The following MCCC1 variants were observed in gnomAD, a reference collection of about 807,000 sequenced individuals.
MCCC1 encodes the protein methylcrotonyl-CoA carboxylase subunit 1, also known as methylcrotonoyl-CoA carboxylase subunit alpha, mitochondrial.
A neutral mutation model predicts 83.8 loss-of-function variants in MCCC1; 64 were observed. That is an observed-to-expected ratio of 0.76 (90% CI 0.62 to 0.94). The LOEUF (loss-of-function observed/expected upper bound fraction) is 0.94. MCCC1 is among the 40% of genes least tolerant of loss of function. The probability of loss-of-function intolerance (pLI) is 0.00; values close to 1 mark genes in which losing one functional copy is unlikely to be tolerated. For synonymous variants in MCCC1, 322 were observed against 315.4 expected (o/e 1.02, Z -0.22); for missense variants, 807 against 904.7 (o/e 0.89, Z 1.39).
chr3:183,034,454 CA>C (rs1281645615), intron 13 of MCCC1, among the ~76,000 whole-genome samples: 5 of 50,960 alleles, frequency 9.8e-5, no homozygotes, highest in African/African-American at 2.5e-4. Flanking sequence ...GACTCCGTCT[CA>C]AAAAAAAAAA....
intron 14 of MCCC1, among the ~76,000 whole-genome samples, chr3:183,031,671 G>A (rs1160328954): frequency 2.0e-5 from 3 of 151,402 alleles, no homozygotes; most frequent in Non-Finnish European, 2.9e-5. Context: ...CTAATTTTTT[G>A]TACTTTTTAG....
intron 3 of MCCC1, among the ~76,000 whole-genome samples, chr3:183,088,861 T>C (rs1401021288): frequency 1.1e-4 from 16 of 152,262 alleles, no homozygotes; most frequent in Admixed American, 1.0e-3. Context: ...AACTATTCCA[T>C]AGTATGGCAG....
chr3:183,093,198 C>G (rs1052299457), intron 2 of MCCC1, among the ~76,000 whole-genome samples: 1 of 152,100 alleles, frequency 6.6e-6, no homozygotes, highest in African/African-American at 2.4e-5. Flanking sequence ...CCGGCCAATA[C>G]TAACTAATCT....
chr3:183,062,178 C>G (rs1715887265), intron 7 of MCCC1, among the ~76,000 whole-genome samples: 1 of 152,090 alleles, frequency 6.6e-6, no homozygotes, highest in Admixed American at 6.5e-5. Flanking sequence ...GCAGGTATGT[C>G]TTTATTGACA....
intron 14 of MCCC1, among the ~76,000 whole-genome samples, chr3:183,032,278 T>C (rs1322679462): frequency 2.0e-5 from 3 of 152,202 alleles, no homozygotes; most frequent in Non-Finnish European, 4.4e-5. Flanking sequence ...CAATCAAATA[T>C]GTAATTCTTC....
intron 1 of MCCC1, among the ~76,000 whole-genome samples, chr3:183,106,090 A>AAAAAAAAAAAAAAAAAC (rs1237084672): frequency 1.3e-5 from 2 of 151,252 alleles, no homozygotes; most frequent in African/African-American, 4.8e-5. Flanking sequence ...GTAAAAAAAA[A>AAAAAAAAAAAAAAAAAC]AAAAAAGACT....
chr3:183,031,657 C>T (rs1470112797), intron 14 of MCCC1, among the ~76,000 whole-genome samples: 2 of 152,002 alleles, frequency 1.3e-5, no homozygotes, highest in Admixed American at 6.6e-5. Flanking sequence ...ACCACCATGC[C>T]TGGCTAATTT....
chr3:183,061,891 T>C (rs1432846115), intron 7 of MCCC1, among the ~76,000 whole-genome samples: 2 of 152,212 alleles, frequency 1.3e-5, no homozygotes, highest in East Asian at 1.9e-4. Context: ...TCATCTTGAA[T>C]TGTAGCTCCC....
chr3:183,099,718 GC>G (rs1719032015), upstream of MCCC1: 6 of 548,126 alleles, frequency 1.1e-5, no homozygotes, highest in South Asian at 1.4e-4. Context: ...TCTGACTAAG[GC>G]AAGGGTTTTC....
At chr3:183,073,526 A>C (rs1470109217) in intron 4 of MCCC1, among the ~76,000 whole-genome samples, 1 of 152,242 alleles carries the variant, frequency 6.6e-6, no homozygotes, top group Non-Finnish European at 1.5e-5. Context: ...TGAAACTATG[A>C]ATACTACAGA....
chr3:183,099,252 C>A, intron 1 of MCCC1, 100 bp downstream of exon 1: 2 of 1,407,800 alleles, frequency 1.4e-6, no homozygotes, highest in Non-Finnish European at 9.7e-7. Context: ...CCGTCCTCCC[C>A]ACACCGACCC....
At chr3:183,035,759 A>C (rs553864675) in intron 13 of MCCC1, among the ~76,000 whole-genome samples, 1 of 152,296 alleles carries the variant, frequency 6.6e-6, no homozygotes, top group South Asian at 2.1e-4. Context: ...GTTTGCTCCG[A>C]AAGTCAGAGC....
intron 2 of MCCC1, among the ~76,000 whole-genome samples, chr3:183,093,815 G>T (rs1009860451): frequency 6.6e-6 from 1 of 152,104 alleles, no homozygotes; most frequent in Non-Finnish European, 1.5e-5. Context: ...CAATCAGCTA[G>T]AAGTTATACT....
rs147022372 is a variant in MCCC1 at position 183,091,076 on chromosome 3, C to T, written c.273+1333G>A. On this transcript the variant is annotated intron_variant, in intron 3 of 18. Coordinates refer to ENST00000265594, the MANE Select transcript of MCCC1 (RefSeq NM_020166.5). ...GGGAGAATTGGAGGTTGGAATGAAGCGAAACAAGTTTGAAATACTCATTGC... is the reference window on the plus strand; with the variant it reads ...GGGAGAATTGGAGGTTGGAATGAAGTGAAACAAGTTTGAAATACTCATTGC... 898 of 455,766 alleles carry T rather than the reference C, an allele frequency of 2.0e-3. 2 individuals carry two copies. Among genetic ancestry groups the T allele is most frequent in the African/African-American group, 0.016 (812 of 50,102 alleles). The allele number at this position is 455,766 out of a possible 1,614,324, so 28.2% of individuals were successfully genotyped here.
At chr3:183,075,263 G>A (rs1037655859) in intron 4 of MCCC1, among the ~76,000 whole-genome samples, 10 of 152,094 alleles carry the variant, frequency 6.6e-5, no homozygotes, top group Non-Finnish European at 1.5e-4. Flanking sequence ...TGGCAGTTTT[G>A]CTTTTAGCTC....
rs527278013 is a variant in MCCC1, at chr3:183,105,914, CCT to C, written c.-102+9558_-102+9559del. Among the ~76,000 whole-genome samples the C allele has an allele frequency of 4.8e-3, 727 of 151,946 alleles. 8 individuals are homozygous for C. Among genetic ancestry groups the C allele is most frequent in the African/African-American group, 0.016 (679 of 41,452 alleles). On this transcript the variant is annotated intron_variant, in intron 1 of 17. Transcript: ENST00000492597. The stretch of plus-strand genomic sequence containing the variant: ...ACCAGCCTGGCCAACATGGTGAAAC[CCT>C]GTCTCTACTAAAAAATACAAATATT...
chr3:183,037,109 G>T (rs1214080546), intron 13 of MCCC1, 109 bp downstream of exon 13: 1 of 1,031,012 alleles, frequency 9.7e-7, no homozygotes, highest in Non-Finnish European at 1.5e-6. Context: ...AATGGTGTCA[G>T]TCACTGAGAG....
At chr3:183,089,975 GA>G (rs374048858) in intron 3 of MCCC1, among the ~76,000 whole-genome samples, 210 of 152,254 alleles carry the variant, frequency 1.4e-3, no homozygotes, top group African/African-American at 4.7e-3. Context: ...ATGCTCAAAA[GA>G]AAGTCTGGAC....
In MCCC1 at chr3:183,072,357, A is replaced by C. The variant is rs1177753952; in HGVS notation, c.491+9T>G. On this transcript the variant is annotated intron_variant, in intron 5 of 18. Coordinates refer to ENST00000265594, the MANE Select transcript of MCCC1 (RefSeq NM_020166.5). ...ATACAGTTATATTTTAAAAGATATAAACTCATACCTCTTTATACCCATGTC... is the reference window on the plus strand; with the variant it reads ...ATACAGTTATATTTTAAAAGATATACACTCATACCTCTTTATACCCATGTC... 6.2e-7 allele frequency: 1 copy of C among 1,613,438 alleles called. No homozygotes were observed. Among genetic ancestry groups the C allele is most frequent in the Admixed American group, 1.7e-5 (1 of 59,982 alleles).
Sources: allele counts gnomAD v4.1 joint callset (sites outside exome capture counted in the v4.1 genomes callset), GRCh38; gene constraint gnomAD v4.1.1; transcripts MANE v1.5; gene names NCBI Gene and HGNC (gene_info 2026-07-23, HGNC 2026-07-21).